Variants in C5orf34 observed in about 807,000 individuals in gnomAD.
C5orf34 encodes the protein chromosome 5 open reading frame 34, also known as uncharacterized protein C5orf34.
C5orf34 carries 73 observed loss-of-function variants against 78.4 expected under a neutral mutation model. The observed-to-expected ratio is 0.93, with a 90% CI of 0.77 to 1.13. The LOEUF is 1.13. Ranked by LOEUF, C5orf34 falls within the 50% of genes most tolerant of loss-of-function variation. The pLI is 0.00. For synonymous variants in C5orf34, 251 were observed against 246.6 expected (o/e 1.02, Z -0.17); for missense variants, 730 against 732.7 (o/e 1.00, Z 0.04).
chr5:43,492,069 T>C, intron 10 of C5orf34, 146 bp downstream of exon 10: 1 of 458,062 alleles, frequency 2.2e-6, no homozygotes, highest in Non-Finnish European at 3.9e-6. Context: ...AGTACAGCTA[T>C]CAACTCTGAA....
Position 43,492,712 on chromosome 5 carries a change from A to G in C5orf34, c.1485+8T>C. On this transcript the variant is annotated splice_region_variant and intron_variant, in intron 9 of 12. Transcript: ENST00000306862. ...TAAAAAATAGATCTAAGTCTGAAGTATACCCACCTGTCTCTTCTCAATAGG... is the reference window on the plus strand; with the variant it reads ...TAAAAAATAGATCTAAGTCTGAAGTGTACCCACCTGTCTCTTCTCAATAGG... The G allele has an allele frequency of 1.2e-6, 2 of 1,607,546 alleles. No individual in the cohort carries two copies. The highest frequency in any genetic ancestry group is 1.7e-6 in the Non-Finnish European group (2 of 1,176,366).
Position 43,505,989 on chromosome 5 carries a change from G to C in C5orf34, c.691C>G (p.His231Asp), listed in dbSNP as rs1205123869. 1 of 1,614,184 alleles carries C rather than the reference G, an allele frequency of 6.2e-7. No homozygotes were observed. Among genetic ancestry groups the C allele is most frequent in the Non-Finnish European group, 8.5e-7 (1 of 1,180,036 alleles). Residue 231 changes from histidine to aspartate, a missense_variant, in exon 4 of 13, where the codon CAC becomes GAC. By Grantham distance (81) the His-to-Asp change is moderately conservative. Transcript: ENST00000306862. ...TTGACCCATGTGTATACACATGTGTGCTTTGTACCAGGCGAAGGCAGCTCT... is the reference window on the plus strand; with the variant it reads ...TTGACCCATGTGTATACACATGTGTCCTTTGTACCAGGCGAAGGCAGCTCT... ...REELPSPGTK[H>D]TCVYTWVKQC...
In C5orf34 at chr5:43,492,234, G is replaced by A. The variant is rs756764265; in HGVS notation, c.1561C>T (p.His521Tyr). 5 of 1,611,106 alleles carry A rather than the reference G, an allele frequency of 3.1e-6. No homozygotes were observed. The highest frequency in any genetic ancestry group is 4.2e-6 in the Non-Finnish European group (5 of 1,178,394). The change falls in exon 10 of 13, where the codon CAC becomes TAC. Residue 521 changes from histidine to tyrosine, a missense_variant. His to Tyr is a moderately conservative substitution (Grantham distance 83). Transcript: ENST00000306862. ...CAGTACCTTTCATATGGTTCAGGGT[G>A]TTCAATCTGAATTAACTGCTCTTGT... ...DGQEQLIQIEHPEPYERYVTT... is the reference protein window; with the variant it reads ...DGQEQLIQIEYPEPYERYVTT...
At chr5:43,510,852 C>T (rs1283158660) in intron 1 of C5orf34, among the ~76,000 whole-genome samples, 1 of 152,252 alleles carries the variant, frequency 6.6e-6, no homozygotes, top group Non-Finnish European at 1.5e-5. Flanking sequence ...CAGCCTCTGC[C>T]CGGACGCCAC....
At chr5:43,499,995 C>G (rs1745693017) in intron 6 of C5orf34, among the ~76,000 whole-genome samples, 1 of 152,148 alleles carries the variant, frequency 6.6e-6, no homozygotes, top group African/African-American at 2.4e-5. Context: ...TACTGAGAAG[C>G]AGAATTTCTC....
chr5:43,491,690 A>C (rs1338971726), intron 10 of C5orf34, among the ~76,000 whole-genome samples: 1 of 152,208 alleles, frequency 6.6e-6, no homozygotes, highest in Non-Finnish European at 1.5e-5. Context: ...AAGTTACTTG[A>C]ATACAAATGA....
At position 43,505,794 on chromosome 5, in the gene C5orf34, G is replaced by A. The variant is rs1745956979; in HGVS notation, c.886C>T (p.Leu296Phe). 1 of 1,605,292 alleles carries A rather than the reference G, an allele frequency of 6.2e-7. No individual in the cohort carries two copies. Among genetic ancestry groups the A allele is most frequent in the Non-Finnish European group, 8.5e-7 (1 of 1,175,266 alleles). The change falls in exon 4 of 13, where the codon CTT (leucine) becomes TTT (phenylalanine). Residue 296 changes from leucine to phenylalanine, a missense_variant. Coordinates refer to ENST00000306862, the MANE Select transcript of C5orf34 (RefSeq NM_198566.4). ...CAGCTGAGTGACAGGGCCCTGGGAA[G>A]AACAGAAACCACTTTTCCTCTTTCC... ...SEERGKVVSV[L>F]PRALSLSCPV...
At chr5:43,489,752 C>A (rs1355001347) in intron 11 of C5orf34, among the ~76,000 whole-genome samples, 2 of 152,030 alleles carry the variant, frequency 1.3e-5, no homozygotes, top group Non-Finnish European at 2.9e-5. Flanking sequence ...GAAAAGGTAA[C>A]AAAAATTGGC....
chr5:43,509,342 C>A lies in C5orf34; in HGVS notation c.-3G>T, dbSNP rs1392358356. 2.0e-6 allele frequency: 3 copies of A among 1,529,002 alleles called. No homozygotes were observed. In the South Asian group the frequency reaches 3.5e-5, roughly 18 times the overall value. The allele number at this position is 1,529,002 out of a possible 1,614,324, so 94.7% of individuals were successfully genotyped here. On this transcript the variant is annotated 5_prime_UTR_variant, in exon 2 of 13. Coordinates refer to ENST00000306862, the MANE Select transcript of C5orf34 (RefSeq NM_198566.4). Reference sequence around the variant, plus strand: ...ATCATTCGCAGTTCAGCTGCCATTACAACGGCAGGATAAGATATCTTCTAA... The same window carrying A: ...ATCATTCGCAGTTCAGCTGCCATTAAAACGGCAGGATAAGATATCTTCTAA...
rs556635145 is a variant in C5orf34, at chr5:43,513,252, T to C, written c.-37+1554A>G. On this transcript the variant is annotated intron_variant, in intron 1 of 12. Transcript: ENST00000306862. ...TATTTTCTTTCTCTAGAGAACTAAA[T>C]GTACCTGACCTCTCACAGAGCTTTC... Among the ~76,000 whole-genome samples the C allele has an allele frequency of 2.0e-5, 3 of 152,304 alleles. No individual in the cohort carries two copies. In the East Asian group the frequency reaches 5.8e-4, roughly 29 times the overall value.
chr5:43,505,055 G>A (rs1371621821), intron 4 of C5orf34, among the ~76,000 whole-genome samples: 2 of 152,134 alleles, frequency 1.3e-5, no homozygotes, highest in East Asian at 3.9e-4. Flanking sequence ...AACTTCATGG[G>A]AATGCTTTGA....
chr5:43,499,503 TTAAG>T (rs747864834), intron 6 of C5orf34, among the ~76,000 whole-genome samples: 5 of 152,064 alleles, frequency 3.3e-5, no homozygotes, highest in African/African-American at 1.2e-4. Context: ...AAATAATACA[TTAAG>T]TTTTTGTTAA....
intron 3 of C5orf34, 149 bp downstream of exon 3, chr5:43,508,428 G>A: frequency 2.0e-6 from 1 of 500,172 alleles, no homozygotes; most frequent in East Asian, 3.2e-5. Flanking sequence ...AAAGAAAATG[G>A]CAAGGGGGAT....
chr5:43,502,703 T>C (rs981145181), intron 5 of C5orf34, among the ~76,000 whole-genome samples: 3 of 152,238 alleles, frequency 2.0e-5, no homozygotes, highest in African/African-American at 7.2e-5. Context: ...GGCTTATGCA[T>C]TTATTTCAAC....
At chr5:43,488,197 A>C in intron 11 of C5orf34, 1 of 488,014 alleles carries the variant, frequency 2.0e-6, no homozygotes, top group South Asian at 2.9e-5. Context: ...TTTGTAATCA[A>C]ATATTGATGT....
intron 10 of C5orf34, 61 bp from the exon 11 acceptor site, chr5:43,490,790 T>A: frequency 1.3e-6 from 1 of 787,352 alleles, no homozygotes; most frequent in South Asian, 2.2e-5. Context: ...TATAAAATTA[T>A]AAACAAATGT....
At chr5:43,512,099 G>A (rs1180712205) in intron 1 of C5orf34, among the ~76,000 whole-genome samples, 3 of 151,606 alleles carry the variant, frequency 2.0e-5, no homozygotes, top group African/African-American at 4.8e-5. Flanking sequence ...TAAGTCTCAG[G>A]TTGTTCCTCA....
intron 1 of C5orf34, among the ~76,000 whole-genome samples, chr5:43,511,680 A>G (rs753658762): frequency 6.6e-6 from 1 of 152,246 alleles, no homozygotes; most frequent in Admixed American, 6.5e-5. Context: ...TTTGTTCTGT[A>G]CTAAGAAAAA....
chr5:43,487,071 G>A lies in C5orf34; in HGVS notation c.1761C>T (p.Asn587=), dbSNP rs959642530. ...CAAAAGACTGTTGTTCATTTTTCTTGTTAGAAATCTGGTTTAGGATACCAC... is the reference window on the plus strand; with the variant it reads ...CAAAAGACTGTTGTTCATTTTTCTTATTAGAAATCTGGTTTAGGATACCAC... The part of the protein sequence containing the change: ...ENSGILNQIS[N]KKNEQQSFDH... The change falls in exon 13 of 13, where the codon AAC becomes AAT. Residue 587 remains asparagine (N), a synonymous_variant. Transcript: ENST00000306862. The A allele has an allele frequency of 1.2e-5, 19 of 1,561,710 alleles. No homozygotes were observed. Among genetic ancestry groups the A allele is most frequent in the Admixed American group, 1.9e-5 (1 of 51,478 alleles).
Sources: allele counts gnomAD v4.1 joint callset (sites outside exome capture counted in the v4.1 genomes callset), GRCh38; gene constraint gnomAD v4.1.1; transcripts MANE v1.5; gene names NCBI Gene and HGNC (gene_info 2026-07-23, HGNC 2026-07-21).